CD47: variants seen among roughly 807,000 people sequenced by gnomAD.
CD47 encodes CD47 molecule.
Under a neutral mutation model 44.6 loss-of-function variants are expected in CD47, and 11 were observed. The observed-to-expected ratio is 0.25, with a 90% confidence interval of 0.16 to 0.41. The LOEUF (loss-of-function observed/expected upper bound fraction) is 0.41, where lower values mean the gene tolerates loss of function less well. CD47 is among the 10% of genes least tolerant of loss of function. The pLI is 1.00. For missense variants in CD47, 306 were observed against 386.7 expected, an observed-to-expected ratio of 0.79 and a Z score of 1.75; for synonymous variants, 140 against 136.3, an observed-to-expected ratio of 1.03 and a Z score of -0.19.
Position 108,047,079 on chromosome 3 carries a change from T to A in CD47, c.*209A>T. ...CTGGATCTCAATTGGGCAAACAACA[T>A]AGATCATAATTATTTTATTAACTAA... On this transcript the variant is annotated 3_prime_UTR_variant, in exon 11 of 11. Coordinates refer to ENST00000361309, the MANE Select transcript of CD47 (RefSeq NM_001777.4). 2.3e-6 allele frequency: 1 copy of A among 443,116 alleles called. No individual in the cohort carries two copies. Among genetic ancestry groups the A allele is most frequent in the Non-Finnish European group, 4.0e-6 (1 of 249,674 alleles). The allele number at this position is 443,116 out of a possible 1,614,324, so 27.4% of individuals were successfully genotyped here.
rs923545910 is a variant in CD47, at chr3:108,050,620, T to C, written c.910-18A>G. On this transcript the variant is annotated intron_variant, in intron 8 of 10. Coordinates refer to ENST00000361309, the MANE Select transcript of CD47 (RefSeq NM_001777.4). ...ACAGCTTTCTGAAAAATATTTAAAATATATTTACATAAAAATATAATTTAT... is the reference window on the plus strand; with the variant it reads ...ACAGCTTTCTGAAAAATATTTAAAACATATTTACATAAAAATATAATTTAT... The C allele has an allele frequency of 2.2e-5, 19 of 879,602 alleles. No individual in the cohort carries two copies. The Admixed American group carries it at 2.6e-4, about 12-fold the overall frequency. 54.5% of individuals were successfully genotyped at this position (879,602 alleles called of 1,614,324 possible).
At chr3:108,078,905 C>T (rs1415242048) in intron 2 of CD47, among the ~76,000 whole-genome samples, 3 of 152,068 alleles carry the variant, frequency 2.0e-5, no homozygotes, top group African/African-American at 7.2e-5. Context: ...TATCTATTGT[C>T]ATCTCCATTT....
At chr3:108,049,539 C>T in intron 10 of CD47, 80 bp downstream of exon 10, 1 of 867,634 alleles carries the variant, frequency 1.2e-6, no homozygotes, top group South Asian at 1.4e-5. Context: ...AAAAAAGAGC[C>T]ACATTTTCAA....
chr3:108,057,209 G>T (rs187927297), intron 7 of CD47, among the ~76,000 whole-genome samples: 1 of 152,094 alleles, frequency 6.6e-6, no homozygotes. Flanking sequence ...AACTACTTTG[G>T]AAACCAAATT....
chr3:108,068,070 A>G (rs2079134836), intron 3 of CD47, among the ~76,000 whole-genome samples: 1 of 152,210 alleles, frequency 6.6e-6, no homozygotes, highest in Non-Finnish European at 1.5e-5. Flanking sequence ...TAATCAGGAA[A>G]AGTTAAGCAG....
Position 108,044,981 on chromosome 3 carries a change from A to C in CD47, c.*2307T>G, listed in dbSNP as rs942363830. 1 of 152,656 alleles carries C rather than the reference A, an allele frequency of 6.6e-6. No individual in the cohort carries two copies. Among genetic ancestry groups the C allele is most frequent in the East Asian group, 1.9e-4 (1 of 5,192 alleles). The allele number at this position is 152,656 out of a possible 1,614,324, so 9.5% of individuals were successfully genotyped here. A position where few individuals can be genotyped will look rare whatever the true frequency, so the allele number is the denominator to read the frequency against. On this transcript the variant is annotated 3_prime_UTR_variant, in exon 11 of 11. Transcript: ENST00000361309. ...TGTGATGTGATGGAATTTGGGAGCC[A>C]TTACAAATCTGATTTAAAGAGAAGG...
chr3:108,074,720 G>GC lies in CD47; in HGVS notation c.401-3539_401-3538insG, dbSNP rs1181163395. ...TGATATGTGGGGCGGGTGGGGGGGGGGGGCACACAATGGAGAAGGGCATCC... is the reference window on the plus strand; with the variant it reads ...TGATATGTGGGGCGGGTGGGGGGGGGCGGGCACACAATGGAGAAGGGCATCC... On this transcript the variant is annotated intron_variant, in intron 2 of 10. Coordinates refer to ENST00000361309, the MANE Select transcript of CD47 (RefSeq NM_001777.4). 2.2e-4 allele frequency among the ~76,000 whole-genome samples: 29 copies of GC among 133,400 alleles called. 1 individual carries two copies. The East Asian group carries it at 6.5e-3, about 30-fold the overall frequency. 87.5% of individuals were successfully genotyped at this position (133,400 alleles called of 152,430 possible). A position where few individuals can be genotyped will look rare whatever the true frequency, so the allele number is the denominator to read the frequency against.
At chr3:108,086,166 A>C (rs1355285136) in intron 1 of CD47, among the ~76,000 whole-genome samples, 1 of 152,098 alleles carries the variant, frequency 6.6e-6, no homozygotes, top group Non-Finnish European at 1.5e-5. Flanking sequence ...AAGATGAATA[A>C]GAAAAATTCT....
chr3:108,050,964 C>CT (rs1417962905), intron 8 of CD47: 1 of 237,372 alleles, frequency 4.2e-6, no homozygotes, highest in African/African-American at 2.3e-5. Context: ...ACAGAATCAT[C>CT]TTTAAGTATC....
At chr3:108,073,540 AG>A (rs1018978417) in intron 2 of CD47, among the ~76,000 whole-genome samples, 2 of 152,136 alleles carry the variant, frequency 1.3e-5, no homozygotes, top group African/African-American at 4.8e-5. Context: ...GAAGACAGGG[AG>A]GAAGAGATGC....
At chr3:108,077,516 C>A (rs1443888512) in intron 2 of CD47, among the ~76,000 whole-genome samples, 1 of 152,088 alleles carries the variant, frequency 6.6e-6, no homozygotes, top group Non-Finnish European at 1.5e-5. Flanking sequence ...CATATACTTA[C>A]CATACAGCCC....
At chr3:108,081,318 A>G (rs1450707806) in intron 1 of CD47, among the ~76,000 whole-genome samples, 2 of 152,032 alleles carry the variant, frequency 1.3e-5, no homozygotes, top group Non-Finnish European at 2.9e-5. Context: ...TCAGCCACTC[A>G]GCAACTCTTT....
intron 7 of CD47, among the ~76,000 whole-genome samples, chr3:108,056,794 C>G (rs2078919964): frequency 6.6e-6 from 1 of 152,072 alleles, no homozygotes; most frequent in East Asian, 1.9e-4. Flanking sequence ...AGAAATGTTA[C>G]TTGAAAATTG....
chr3:108,066,164 A>T (rs559128997), intron 3 of CD47, among the ~76,000 whole-genome samples: 4 of 152,252 alleles, frequency 2.6e-5, no homozygotes, highest in African/African-American at 9.6e-5. Context: ...TTTTCTAACA[A>T]TGATTTCTAC....
At chr3:108,061,968 T>A (rs1432426585) in intron 3 of CD47, among the ~76,000 whole-genome samples, 1 of 152,236 alleles carries the variant, frequency 6.6e-6, no homozygotes, top group Admixed American at 6.5e-5. Context: ...TAAAAATCTA[T>A]GTTTAAGGTA....
chr3:108,059,399 GT>G, intron 5 of CD47, 52 bp downstream of exon 5: 2 of 914,562 alleles, frequency 2.2e-6, no homozygotes. Context: ...CAAAACTGCT[GT>G]TTTGTAAATG....
chr3:108,051,955 G>A lies in CD47; in HGVS notation c.893C>T (p.Thr298Ile). ...YMKFVASNQK[T>I]IQPPRKAVEE... ...TTAACTTACCCTAGGAGGTTGTATAGTCTTCTGATTGGAAGCTGATATAAA... is the reference window on the plus strand; with the variant it reads ...TTAACTTACCCTAGGAGGTTGTATAATCTTCTGATTGGAAGCTGATATAAA... Residue 298 changes from threonine to isoleucine, a missense_variant, in exon 8 of 11, where the codon ACT (threonine) becomes ATT (isoleucine). This residue lies in a region of CD47 where 131 missense variants were observed against 135.3 expected (regional missense o/e 0.97). Transcript: ENST00000361309. 2 of 1,449,306 alleles carry A rather than the reference G, an allele frequency of 1.4e-6. No homozygotes were observed. Among genetic ancestry groups the A allele is most frequent in the Non-Finnish European group, 1.9e-6 (2 of 1,033,314 alleles). The allele number at this position is 1,449,306 out of a possible 1,614,324, so 89.8% of individuals were successfully genotyped here.
At chr3:108,090,728 G>A (rs978587317) in intron 1 of CD47, 135 bp downstream of exon 1, 9 of 669,292 alleles carry the variant, frequency 1.3e-5, no homozygotes, top group Non-Finnish European at 1.5e-5. Flanking sequence ...TCTGCACTTC[G>A]GGCGCTCAGG....
chr3:108,079,868 C>T (rs947473311), intron 2 of CD47, 123 bp downstream of exon 2: 1 of 622,320 alleles, frequency 1.6e-6, no homozygotes, highest in Non-Finnish European at 2.9e-6. Flanking sequence ...ATTACATCAA[C>T]ATTTATTAAT....
Sources: allele counts gnomAD v4.1 joint callset (sites outside exome capture counted in the v4.1 genomes callset), GRCh38; gene constraint gnomAD v4.1.1; regional missense constraint gnomAD v4.1.1; transcripts MANE v1.5; gene names NCBI Gene and HGNC (gene_info 2026-07-23, HGNC 2026-07-21).